The following APOB variants were observed in gnomAD, a reference collection of about 807,000 sequenced individuals.
APOB encodes apolipoprotein B, also known as apolipoprotein B-100.
Under a neutral mutation model 314.1 loss-of-function variants are expected in APOB, and 153 were observed. That is an observed-to-expected ratio of 0.49 (90% confidence interval 0.43 to 0.56). The LOEUF (loss-of-function observed/expected upper bound fraction) is 0.56. APOB is among the 20% of genes least tolerant of loss of function. APOB has a pLI of 0.00. For missense variants in APOB, 5,430 were observed against 5,350.7 expected, an observed-to-expected ratio of 1.01 and a Z score of -0.46; for synonymous variants, 2,087 against 2,036.4, an observed-to-expected ratio of 1.02 and a Z score of -0.67.
chr2:21,004,198 C>T (rs1663065639), intron 28 of APOB, 71 bp downstream of exon 28: 1 of 1,543,622 alleles, frequency 6.5e-7, no homozygotes. Context: ...ATATTTGGTC[C>T]TGAATTAAAT....
At chr2:21,034,140 G>A (rs1461361972) in intron 8 of APOB, among the ~76,000 whole-genome samples, 1 of 152,186 alleles carries the variant, frequency 6.6e-6, no homozygotes, top group Non-Finnish European at 1.5e-5. Flanking sequence ...AGGAAGAGAG[G>A]TAAAAGTCAT....
rs921025706 is a variant in APOB, at chr2:21,036,995, C to A, written c.693+105G>T. The A allele has an allele frequency of 4.2e-6, 6 of 1,436,966 alleles. No homozygotes were observed. In the Admixed American group the frequency reaches 1.1e-4, roughly 27 times the overall value. 89.0% of individuals were successfully genotyped at this position (1,436,966 alleles called of 1,614,324 possible). Reference sequence around the variant, plus strand: ...ATCTCTAGTCTGTATAAAAAACAGCCAGGGCAGGCTGTCCTCAAAGGTGCC... The same window carrying A: ...ATCTCTAGTCTGTATAAAAAACAGCAAGGGCAGGCTGTCCTCAAAGGTGCC... On this transcript the variant is annotated intron_variant, in intron 6 of 28. Transcript: ENST00000233242.
At chr2:21,004,487 G>T in intron 27 of APOB, 35 bp from the exon 28 acceptor site, 3 of 1,613,540 alleles carry the variant, frequency 1.9e-6, no homozygotes, top group South Asian at 2.2e-5. Context: ...TATCACGAAA[G>T]GGGTATGGAG....
chr2:21,041,307 A>G (rs1258861573), intron 3 of APOB, among the ~76,000 whole-genome samples: 1 of 152,236 alleles, frequency 6.6e-6, no homozygotes, highest in Non-Finnish European at 1.5e-5. Context: ...CCCGGGTAAC[A>G]CATTTCTTAA....
rs759870211 is a variant in APOB at position 21,011,824 on chromosome 2, TAGATGCCCCAG to T, written c.5033_5043del (p.Ser1678TyrfsTer56). ...AAGCGGCCATTTGTTGTTAATTTCA[TAGATGCCCCAG>T]AGAGGCCAAGCTCTGCATTCAGCTC... On this transcript the variant is annotated frameshift_variant, in exon 26 of 29. Coordinates refer to ENST00000233242, the MANE Select transcript of APOB (RefSeq NM_000384.3). LOFTEE classifies it high-confidence loss of function. 5 of 1,614,036 alleles carry T rather than the reference TAGATGCCCCAG, an allele frequency of 3.1e-6. No homozygotes were observed. In the African/African-American group the frequency reaches 5.3e-5, roughly 17 times the overall value.
At position 21,002,353 on chromosome 2, in the gene APOB, G is replaced by A; in HGVS notation, c.13069C>T (p.His4357Tyr). 1 of 1,611,084 alleles carries A rather than the reference G, an allele frequency of 6.2e-7. No homozygotes were observed. The highest frequency in any genetic ancestry group is 8.5e-7 in the Non-Finnish European group (1 of 1,178,910). The change falls in exon 29 of 29, where the codon CAT becomes TAT. Residue 4357 changes from histidine to tyrosine, a missense_variant. By Grantham distance (83) the His-to-Tyr change is moderately conservative (BLOSUM62 2). Coordinates refer to ENST00000233242, the MANE Select transcript of APOB (RefSeq NM_000384.3). ...TTTTGAATAAATTCATTGAACTTATGAAGATTAAGGCATAGGTTTTCTTTC... is the reference window on the plus strand; with the variant it reads ...TTTTGAATAAATTCATTGAACTTATAAAGATTAAGGCATAGGTTTTCTTTC... ...LLKENLCLNL[H>Y]KFNEFIQNEL...
At position 21,026,972 on chromosome 2, in the gene APOB, A is replaced by C; in HGVS notation, c.2068-8T>G. On this transcript the variant is annotated splice_region_variant and splice_polypyrimidine_tract_variant and intron_variant, in intron 14 of 28. Transcript: ENST00000233242. ...TTTTCCTTCCAAGCCAATCTGAGAA[A>C]GAAAATCAGACAAGAAAATGGCATC... 1 of 1,614,148 alleles carries C rather than the reference A, an allele frequency of 6.2e-7. No individual in the cohort carries two copies. The highest frequency in any genetic ancestry group is 8.5e-7 in the Non-Finnish European group (1 of 1,180,012).
chr2:21,037,931 A>G lies in APOB; in HGVS notation c.537+27T>C, dbSNP rs749522130. The G allele has an allele frequency of 5.0e-6, 8 of 1,614,066 alleles. No homozygotes were observed. In the South Asian group the frequency reaches 8.8e-5, roughly 18 times the overall value. ...CACATGAAGATGAGTTTCAAGGGCCACTGCTATCAGCTTTCTAAATCCTCA... is the reference window on the plus strand; with the variant it reads ...CACATGAAGATGAGTTTCAAGGGCCGCTGCTATCAGCTTTCTAAATCCTCA... On this transcript the variant is annotated intron_variant, in intron 5 of 28. Coordinates refer to ENST00000233242, the MANE Select transcript of APOB (RefSeq NM_000384.3).
At position 21,043,609 on chromosome 2, in the gene APOB, G is replaced by C. The variant is rs901916044; in HGVS notation, c.83-58C>G. The stretch of plus-strand genomic sequence containing the variant: ...CCCACGTCTTCCCAGCGGGTGCTAG[G>C]GCCCGACAGGGGGACCACCGGCACA... On this transcript the variant is annotated intron_variant, in intron 1 of 28. Coordinates refer to ENST00000233242, the MANE Select transcript of APOB (RefSeq NM_000384.3). 3.2e-6 allele frequency: 5 copies of C among 1,562,208 alleles called. No homozygotes were observed. In the African/African-American group the frequency reaches 5.4e-5, roughly 17 times the overall value.
chr2:21,003,055 T>C lies in APOB; in HGVS notation c.12367A>G (p.Ile4123Val), dbSNP rs759585999. 3 of 1,570,382 alleles carry C rather than the reference T, an allele frequency of 1.9e-6. No homozygotes were observed. The highest frequency in any genetic ancestry group is 2.4e-5 in the South Asian group (2 of 83,144). ...EWVYQGAIRQ[I>V]DDIDVRFQKA... ...TGGAACCTCACGTCGATATCATCAA[T>C]TTGCCTAATGGCCCCTTGATAAACC... Residue 4123 changes from isoleucine to valine, a missense_variant, in exon 29 of 29, where the codon ATT (isoleucine) becomes GTT (valine). This residue lies in a region of APOB where 3,281 missense variants were observed against 3,171.0 expected (regional missense o/e 1.03). Coordinates refer to ENST00000233242, the MANE Select transcript of APOB (RefSeq NM_000384.3).
intron 6 of APOB, 25 bp from the exon 7 acceptor site, chr2:21,035,733 A>G (rs1046437854): frequency 1.9e-6 from 3 of 1,613,212 alleles, no homozygotes; most frequent in Non-Finnish European, 8.5e-7. Flanking sequence ...GGAGACGAGC[A>G]TTTTGATCAG....
intron 4 of APOB, among the ~76,000 whole-genome samples, chr2:21,038,916 C>G (rs953811136): frequency 6.6e-5 from 10 of 152,238 alleles, no homozygotes; most frequent in Non-Finnish European, 1.5e-4. Context: ...CTTGGTACAG[C>G]TCTAACAGAT....
Position 21,009,187 on chromosome 2 carries a change from G to A in APOB, c.7681C>T (p.Leu2561Phe), listed in dbSNP as rs748303489. The change falls in exon 26 of 29, where the codon CTT becomes TTT. Residue 2561 changes from leucine (L) to phenylalanine (F), a missense_variant. This residue lies in a region of APOB where 3,281 missense variants were observed against 3,171.0 expected (regional missense o/e 1.03). Coordinates refer to ENST00000233242, the MANE Select transcript of APOB (RefSeq NM_000384.3). The part of the protein sequence containing the change: ...SDWWTLAAKN[L>F]TDFAEQYSIQ... The stretch of plus-strand genomic sequence containing the variant: ...GAATATTGCTCTGCAAAGTCAGTAA[G>A]GTTCTTAGCAGCAAGAGTCCACCAA... 20 of 1,613,948 alleles carry A rather than the reference G, an allele frequency of 1.2e-5. No individual in the cohort carries two copies. The highest frequency in any genetic ancestry group is 1.3e-5 in the African/African-American group (1 of 74,920).
At chr2:21,041,132 A>C in intron 3 of APOB, 49 bp from the exon 4 acceptor site, 2 of 1,592,006 alleles carry the variant, frequency 1.3e-6, no homozygotes, top group Non-Finnish European at 1.7e-6. Context: ...CAAGAATGAG[A>C]GGTGGCCCCT....
intron 18 of APOB, 102 bp from the exon 19 acceptor site, chr2:21,020,007 C>T: frequency 2.0e-6 from 2 of 1,012,308 alleles, no homozygotes; most frequent in Non-Finnish European, 3.1e-6. Context: ...CCTGTCTTCC[C>T]TCAGTCCACA....
Position 21,007,214 on chromosome 2 carries a change from A to T in APOB, c.9654T>A (p.Phe3218Leu). The T allele has an allele frequency of 6.2e-7, 1 of 1,613,848 alleles. No individual in the cohort carries two copies. The highest frequency in any genetic ancestry group is 1.1e-5 in the South Asian group (1 of 91,060). ...FEKNRNNALD[F>L]VTKSYNETKI... is the part of the protein sequence containing the mutation. Reference sequence around the variant, plus strand: ...TTGTTTCATTATAGGATTTGGTGACAAAATCTAATGCATTGTTTCTGTTTT... The same window carrying T: ...TTGTTTCATTATAGGATTTGGTGACTAAATCTAATGCATTGTTTCTGTTTT... Residue 3218 changes from phenylalanine (F) to leucine (L), a missense_variant, in exon 26 of 29, where the codon TTT (phenylalanine) becomes TTA (leucine). Transcript: ENST00000233242.
chr2:21,032,253 G>T (rs1663898244), intron 10 of APOB, 101 bp downstream of exon 10: 1 of 1,076,114 alleles, frequency 9.3e-7, no homozygotes, highest in Non-Finnish European at 1.4e-6. Flanking sequence ...AAGGAGCAGA[G>T]TTTGAAAGTG....
At chr2:21,013,666 C>G (rs895005713) in intron 24 of APOB, 133 bp from the exon 25 acceptor site, 1 of 1,281,104 alleles carries the variant, frequency 7.8e-7, no homozygotes, top group Non-Finnish European at 1.1e-6. Context: ...TTGTGCTACT[C>G]CTATGCCTGG....
intron 10 of APOB, 52 bp downstream of exon 10, chr2:21,032,302 G>A: frequency 6.7e-7 from 1 of 1,502,004 alleles, no homozygotes; most frequent in Non-Finnish European, 9.2e-7. Context: ...ATGCACAGAG[G>A]TGCAAGATGT....
Sources: allele counts gnomAD v4.1 joint callset (sites outside exome capture counted in the v4.1 genomes callset), GRCh38; gene constraint gnomAD v4.1.1; regional missense constraint gnomAD v4.1.1; transcripts MANE v1.5; gene names NCBI Gene and HGNC (gene_info 2026-07-23, HGNC 2026-07-21).